ZBTB7C: variants seen among roughly 807,000 people sequenced by gnomAD.
ZBTB7C encodes the protein zinc finger and BTB domain-containing protein 7C.
ZBTB7C carries 8 observed loss-of-function variants against 25.7 expected under a neutral mutation model. That is an observed-to-expected ratio of 0.31 (90% CI 0.18 to 0.56). The LOEUF (loss-of-function observed/expected upper bound fraction) is 0.56. Among genes scored for constraint, ZBTB7C ranks in the 20% least tolerant of loss-of-function variants. ZBTB7C has a pLI of 0.91. For synonymous variants in ZBTB7C, 394 were observed against 369.0 expected, an observed-to-expected ratio of 1.07 and a Z score of -0.78; for missense variants, 824 against 855.2, an observed-to-expected ratio of 0.96 and a Z score of 0.46.
At chr18:48,168,457 T>C (rs771838717) in intron 3 of ZBTB7C, among the ~76,000 whole-genome samples, 9 of 152,194 alleles carry the variant, frequency 5.9e-5, no homozygotes, top group Non-Finnish European at 1.2e-4. Flanking sequence ...AGAAAATATT[T>C]GCATTATAAG....
intron 1 of ZBTB7C, among the ~76,000 whole-genome samples, chr18:48,343,359 A>G (rs910552202): frequency 6.6e-6 from 1 of 152,180 alleles, no homozygotes; most frequent in Non-Finnish European, 1.5e-5. Flanking sequence ...AGTGAGAGGA[A>G]TTTGTCCCTG....
chr18:48,367,228 C>A, intron 1 of ZBTB7C, among the ~76,000 whole-genome samples: 1 of 85,290 alleles, frequency 1.2e-5, no homozygotes, highest in East Asian at 3.5e-4. Flanking sequence ...CACACACACA[C>A]ACACATACAT....
At chr18:48,127,666 A>G (rs1487755003) in intron 3 of ZBTB7C, among the ~76,000 whole-genome samples, 1 of 151,990 alleles carries the variant, frequency 6.6e-6, no homozygotes, top group East Asian at 1.9e-4. Context: ...GGCTCACTCG[A>G]CCTTTCATCC....
At chr18:48,264,392 T>G (rs2044253304) in intron 2 of ZBTB7C, among the ~76,000 whole-genome samples, 1 of 145,934 alleles carries the variant, frequency 6.9e-6, no homozygotes, top group South Asian at 2.2e-4. Flanking sequence ...CACAGCTGGC[T>G]CTGTGTCACT....
chr18:48,216,719 C>T (rs920709302), intron 2 of ZBTB7C, among the ~76,000 whole-genome samples: 3 of 152,102 alleles, frequency 2.0e-5, no homozygotes, highest in East Asian at 1.9e-4. Flanking sequence ...ATCCTGAGCC[C>T]GCTCAGTCCA....
intron 1 of ZBTB7C, among the ~76,000 whole-genome samples, chr18:48,360,049 G>C (rs748523927): frequency 6.6e-6 from 1 of 152,216 alleles, no homozygotes; most frequent in Non-Finnish European, 1.5e-5. Context: ...CAGGGAGGAA[G>C]CTCCCTGCTG....
At chr18:48,147,055 T>C (rs1406029602) in intron 3 of ZBTB7C, among the ~76,000 whole-genome samples, 1 of 152,050 alleles carries the variant, frequency 6.6e-6, no homozygotes, top group Non-Finnish European at 1.5e-5. Flanking sequence ...TCTGATGGAG[T>C]TGCTTCAGTA....
intron 3 of ZBTB7C, among the ~76,000 whole-genome samples, chr18:48,097,382 G>GTTGTTGTTGTTATTA (rs10651143): frequency 6.9e-6 from 1 of 144,968 alleles, no homozygotes. Flanking sequence ...TATTGTTGTT[G>GTTGTTGTTGTTATTA]TTATTATTAT....
At chr18:48,392,820 C>T (rs2047932316) in intron 1 of ZBTB7C, among the ~76,000 whole-genome samples, 1 of 152,168 alleles carries the variant, frequency 6.6e-6, no homozygotes, top group Admixed American at 6.5e-5. Flanking sequence ...GCCTTTCTGA[C>T]CTCTTCCTCC....
chr18:48,077,387 A>C (rs1417376587), intron 3 of ZBTB7C, among the ~76,000 whole-genome samples: 1 of 152,214 alleles, frequency 6.6e-6, no homozygotes. Flanking sequence ...CTGGTGATTC[A>C]ATACGGAACT....
chr18:48,177,856 G>A (rs1167562306), intron 3 of ZBTB7C, among the ~76,000 whole-genome samples: 1 of 152,154 alleles, frequency 6.6e-6, no homozygotes, highest in Non-Finnish European at 1.5e-5. Context: ...GTGGAGAATG[G>A]AGGAAGGGAG....
chr18:48,069,023 G>C (rs528682399), intron 3 of ZBTB7C, among the ~76,000 whole-genome samples: 5 of 152,306 alleles, frequency 3.3e-5, no homozygotes, highest in Admixed American at 6.5e-5. Context: ...TCTCCACTAA[G>C]GGCACGTGGC....
chr18:48,060,365 C>T (rs908573250), intron 3 of ZBTB7C, among the ~76,000 whole-genome samples: 3 of 152,118 alleles, frequency 2.0e-5, no homozygotes, highest in African/African-American at 4.8e-5. Context: ...GAGTCCCTCT[C>T]TCCACAGTAG....
At chr18:48,138,699 T>C (rs1248207024) in intron 3 of ZBTB7C, among the ~76,000 whole-genome samples, 1 of 152,146 alleles carries the variant, frequency 6.6e-6, no homozygotes, top group African/African-American at 2.4e-5. Context: ...ACTCCATAGC[T>C]TTTTATCAAA....
At chr18:48,296,294 C>T (rs568441086) in intron 2 of ZBTB7C, among the ~76,000 whole-genome samples, 1 of 152,288 alleles carries the variant, frequency 6.6e-6, no homozygotes, top group African/African-American at 2.4e-5. Flanking sequence ...GCAGCCTCCT[C>T]CTCTAGGCTC....
intron 2 of ZBTB7C, among the ~76,000 whole-genome samples, chr18:48,304,238 C>T (rs549670625): frequency 1.3e-5 from 2 of 152,366 alleles, no homozygotes; most frequent in South Asian, 4.1e-4. Context: ...GGTGTACCCC[C>T]AATCACAAAA....
chr18:48,164,249 G>T (rs2041165395), intron 3 of ZBTB7C, among the ~76,000 whole-genome samples: 1 of 152,142 alleles, frequency 6.6e-6, no homozygotes, highest in South Asian at 2.1e-4. Flanking sequence ...CTTGCTCCTG[G>T]ACTCACAGGC....
chr18:48,368,393 A>AG (rs370115692), intron 1 of ZBTB7C, among the ~76,000 whole-genome samples: 2 of 152,154 alleles, frequency 1.3e-5, no homozygotes, highest in Non-Finnish European at 2.9e-5. Flanking sequence ...AGAAAAAAAA[A>AG]GTTACTCAAT....
intron 2 of ZBTB7C, among the ~76,000 whole-genome samples, chr18:48,249,460 A>G (rs1484090289): frequency 6.6e-6 from 1 of 152,264 alleles, no homozygotes; most frequent in East Asian, 1.9e-4. Flanking sequence ...AACATGAAAA[A>G]TGTTTATGAT....
Sources: gnomAD v4.1 joint callset for allele counts (sites outside exome capture counted in the v4.1 genomes callset) on GRCh38, gnomAD v4.1.1 for gene constraint, MANE v1.5 for transcripts, NCBI Gene and HGNC (gene_info 2026-07-23, HGNC 2026-07-21) for gene names.